Variants in CASK observed in about 807,000 individuals in gnomAD.
The protein encoded by CASK is calcium/calmodulin dependent serine protein kinase.
In CASK, 4 loss-of-function variants were observed where a neutral mutation model predicts 82.9. The observed-to-expected ratio is 0.05, with a 90% CI of 0.02 to 0.11. The LOEUF is 0.11. CASK is among the 10% of genes least tolerant of loss of function. The pLI, the probability that CASK is intolerant of heterozygous loss-of-function variation, is 1.00. For synonymous variants in CASK, 259 were observed against 253.5 expected, an observed-to-expected ratio of 1.02 and a Z score of -0.20; for missense variants, 358 against 720.9, an observed-to-expected ratio of 0.50 and a Z score of 5.76.
intron 5 of CASK, among the ~76,000 whole-genome samples, chrX:41,686,407 T>C (rs746773008): frequency 6.4e-4 from 70 of 108,585 alleles, no homozygotes; most frequent in African/African-American, 1.4e-3. Context: ...TTCTTTCTTT[T>C]TTTTTTTTTT....
At chrX:41,597,611 C>A (rs193063644) in intron 12 of CASK, among the ~76,000 whole-genome samples, 71 of 112,135 alleles carry the variant, frequency 6.3e-4, no homozygotes, top group African/African-American at 2.2e-3. Flanking sequence ...TAAATAGGAA[C>A]AAAGTTTCAA....
At chrX:41,770,683 C>T (rs1258968981) in intron 3 of CASK, among the ~76,000 whole-genome samples, 1 of 110,511 alleles carries the variant, frequency 9.0e-6, no homozygotes, top group East Asian at 2.8e-4. Flanking sequence ...GCCACCATGC[C>T]CGGCCAAAAA....
intron 3 of CASK, among the ~76,000 whole-genome samples, chrX:41,762,872 C>T (rs759365603): frequency 1.2e-3 from 135 of 111,513 alleles, no homozygotes; most frequent in Middle Eastern, 4.6e-3. Context: ...TAATGCCTCT[C>T]TCTTTTCCCA....
chrX:41,850,046 G>A (rs1441118178), intron 2 of CASK, among the ~76,000 whole-genome samples: 7 of 111,392 alleles, frequency 6.3e-5, no homozygotes, highest in African/African-American at 2.3e-4. Flanking sequence ...TGTGTGTGGT[G>A]GCGCATGCCT....
intron 26 of CASK, among the ~76,000 whole-genome samples, chrX:41,521,673 A>G (rs1459834889): frequency 8.9e-6 from 1 of 112,397 alleles, no homozygotes; most frequent in Non-Finnish European, 1.9e-5. Flanking sequence ...GGCAAGTTCA[A>G]CCTTGACACT....
At position 41,625,584 on chromosome X, in the gene CASK, C is replaced by T. The variant is rs999461636; in HGVS notation, c.1015+1020G>A. Among the ~76,000 whole-genome samples, 4 of 110,787 alleles carry T rather than the reference C, an allele frequency of 3.6e-5. No homozygotes were observed. In the Admixed American group the frequency reaches 3.9e-4, roughly 11 times the overall value. ...CTCACTGCATCCTCAAACTCCTGAG[C>T]TCAGGTGATCCCCCTGAGCCGGGTG... On this transcript the variant is annotated intron_variant, in intron 10 of 26. Transcript: ENST00000378163.
intron 3 of CASK, among the ~76,000 whole-genome samples, chrX:41,785,002 CTTT>C (rs368185380): frequency 4.0e-5 from 3 of 74,852 alleles, no homozygotes. Flanking sequence ...TTTCAAAATT[CTTT>C]TTTTTTTTTT....
intron 2 of CASK, among the ~76,000 whole-genome samples, chrX:41,831,707 C>T (rs2070818686): frequency 8.9e-6 from 1 of 112,141 alleles, no homozygotes; most frequent in Non-Finnish European, 1.9e-5. Context: ...GCCTGTAATC[C>T]CAGCACTTTG....
chrX:41,791,415 T>C (rs1368107150), intron 2 of CASK, among the ~76,000 whole-genome samples: 1 of 109,856 alleles, frequency 9.1e-6, no homozygotes, highest in Non-Finnish European at 1.9e-5. Context: ...CATTCCTGAG[T>C]TACTTCACTT....
chrX:41,569,088 T>A (rs1327806927), intron 16 of CASK, among the ~76,000 whole-genome samples: 4 of 112,439 alleles, frequency 3.6e-5, no homozygotes, highest in Non-Finnish European at 7.5e-5. Flanking sequence ...ATTAATAATT[T>A]AATCATCGAT....
At chrX:41,880,490 A>C (rs998993661) in intron 1 of CASK, among the ~76,000 whole-genome samples, 1 of 111,537 alleles carries the variant, frequency 9.0e-6, no homozygotes, top group Non-Finnish European at 1.9e-5. Flanking sequence ...CAAACTGCCC[A>C]TGTTGCTTTC....
intron 14 of CASK, among the ~76,000 whole-genome samples, chrX:41,580,736 A>G (rs1341898935): frequency 2.7e-5 from 3 of 112,222 alleles, no homozygotes; most frequent in Non-Finnish European, 5.6e-5. Context: ...AAAGCTTAAA[A>G]GAGTATATAA....
chrX:41,812,324 C>T (rs1375855197), intron 2 of CASK, among the ~76,000 whole-genome samples: 2 of 111,558 alleles, frequency 1.8e-5, no homozygotes, highest in African/African-American at 3.3e-5. Flanking sequence ...TGATGAACAT[C>T]GATGCAAAAA....
chrX:41,544,704 C>CA (rs748779853), intron 21 of CASK, among the ~76,000 whole-genome samples: 31 of 99,583 alleles, frequency 3.1e-4, no homozygotes, highest in African/African-American at 8.7e-4. Context: ...CCTATCTCTA[C>CA]AAAAAAAAAC....
In CASK at chrX:41,626,694, G is replaced by C; in HGVS notation, c.925C>G (p.Leu309Val). 8.6e-7 allele frequency: 1 copy of C among 1,162,589 alleles called. No homozygotes were observed. Among genetic ancestry groups the C allele is most frequent in the Non-Finnish European group, 1.2e-6 (1 of 850,698 alleles). The change falls in exon 10 of 27, where the codon CTA (leucine) becomes GTA (valine). Residue 309 changes from leucine (L) to valine (V), a missense_variant. This residue lies in a region of CASK where 110 missense variants were observed against 218.8 expected (regional missense o/e 0.50). Transcript: ENST00000378163. ...NARRKLKGAV[L>V]AAVSSHKFNS... Reference sequence around the variant, plus strand: ...AATTTGTGACTTGACACAGCGGCTAGTACTGCACCCTAAAACAAAGAGATG... The same window carrying C: ...AATTTGTGACTTGACACAGCGGCTACTACTGCACCCTAAAACAAAGAGATG...
chrX:41,843,031 G>A (rs760390010), intron 2 of CASK, among the ~76,000 whole-genome samples: 6 of 111,420 alleles, frequency 5.4e-5, no homozygotes, highest in Admixed American at 4.8e-4. Flanking sequence ...CTGCAACCTT[G>A]CTAAGCTCAC....
At position 41,720,036 on chromosome X, in the gene CASK, TAAATG is replaced by T. The variant is rs775864852; in HGVS notation, c.429+19343_429+19347del. 3.2e-3 allele frequency among the ~76,000 whole-genome samples: 357 copies of T among 113,170 alleles called. 1 individual carries two copies. The highest frequency in any genetic ancestry group is 4.5e-3 in the Admixed American group (48 of 10,741). On this transcript the variant is annotated intron_variant, in intron 5 of 26. Transcript: ENST00000378163. ...AGAGAAGTTACTATTTATTCCTAAT[TAAATG>T]GGGAGGAAAGTCTTCGAAGAGGAAC... is the stretch of plus-strand genomic sequence containing the variant.
At chrX:41,783,601 T>C (rs757608944) in intron 3 of CASK, among the ~76,000 whole-genome samples, 1 of 110,415 alleles carries the variant, frequency 9.1e-6, no homozygotes, top group African/African-American at 3.3e-5. Context: ...AGAAGGGATG[T>C]TAGAGGCCAT....
intron 3 of CASK, among the ~76,000 whole-genome samples, chrX:41,746,471 T>G (rs2068689014): frequency 9.0e-6 from 1 of 110,882 alleles, no homozygotes; most frequent in Non-Finnish European, 1.9e-5. Context: ...CTATAACAAC[T>G]CTATATGGTC....
Sources: gnomAD v4.1 joint callset for allele counts (sites outside exome capture counted in the v4.1 genomes callset) on GRCh38, gnomAD v4.1.1 for gene constraint, gnomAD v4.1.1 regional missense constraint, MANE v1.5 for transcripts, NCBI Gene and HGNC (gene_info 2026-07-23, HGNC 2026-07-21) for gene names.